The following GALNT17 variants were observed in gnomAD, a reference collection of about 807,000 sequenced individuals.
The protein encoded by GALNT17 is polypeptide N-acetylgalactosaminyltransferase 17, also known as UDP-GalNAc:polypeptide N-acetylgalactosaminyltransferase-like 3.
GALNT17 carries 29 observed loss-of-function variants against 63.7 expected under a neutral mutation model. The observed-to-expected ratio is 0.46, with a 90% CI of 0.34 to 0.62. The LOEUF (loss-of-function observed/expected upper bound fraction) is 0.62. GALNT17 is among the 20% of genes least tolerant of loss of function. The pLI is 0.01. For missense variants in GALNT17, 603 were observed against 799.6 expected (o/e 0.75, Z 2.97); for synonymous variants, 305 against 318.3 (o/e 0.96, Z 0.45).
chr7:71,611,467 G>A (rs1447744177), intron 6 of GALNT17, among the ~76,000 whole-genome samples: 1 of 152,122 alleles, frequency 6.6e-6, no homozygotes, highest in Admixed American at 6.6e-5. Context: ...AATATCAGTT[G>A]CTTTGTCTTC....
intron 6 of GALNT17, among the ~76,000 whole-genome samples, chr7:71,637,468 C>T (rs575305589): frequency 2.0e-5 from 3 of 150,500 alleles, no homozygotes; most frequent in Non-Finnish European, 4.4e-5. Context: ...GGATTACAGG[C>T]GTGAGCCACC....
chr7:71,441,295 T>A (rs1326715910), intron 5 of GALNT17, among the ~76,000 whole-genome samples: 1 of 152,064 alleles, frequency 6.6e-6, no homozygotes, highest in African/African-American at 2.4e-5. Context: ...CAAATTTTAT[T>A]TGAGATTGGG....
At chr7:71,341,020 A>C (rs1302420648) in intron 2 of GALNT17, among the ~76,000 whole-genome samples, 1 of 152,202 alleles carries the variant, frequency 6.6e-6, no homozygotes, top group African/African-American at 2.4e-5. Flanking sequence ...CCTGGGCAAC[A>C]GAGTGAGACT....
At position 71,156,616 on chromosome 7, in the gene GALNT17, T is replaced by C. The variant is rs145044794; in HGVS notation, c.238+23576T>C. 3.8e-3 allele frequency among the ~76,000 whole-genome samples: 543 copies of C among 143,764 alleles called. 12 individuals carry two copies. The highest frequency in any genetic ancestry group is 0.013 in the African/African-American group (497 of 38,774). 94.3% of individuals were successfully genotyped at this position (143,764 alleles called of 152,430 possible). On this transcript the variant is annotated intron_variant, in intron 1 of 10. Coordinates refer to ENST00000333538, the MANE Select transcript of GALNT17 (RefSeq NM_022479.3). ...TTCCTTCCTTCCTTCCTTCCTTCCT[T>C]CCTCCATTCTTTGCCTTCCTTCCCT...
At chr7:71,406,307 C>G (rs1793327652) in intron 3 of GALNT17, among the ~76,000 whole-genome samples, 1 of 152,206 alleles carries the variant, frequency 6.6e-6, no homozygotes, top group African/African-American at 2.4e-5. Flanking sequence ...GAGAAACTAA[C>G]AAAGCTTCCG....
intron 5 of GALNT17, among the ~76,000 whole-genome samples, chr7:71,452,243 G>GA (rs567810020): frequency 0.027 from 3,698 of 134,880 alleles, 78 homozygotes; most frequent in South Asian, 0.068. Context: ...GCTCTCTTTA[G>GA]AAAAAAAAAA....
chr7:71,613,869 T>A (rs1396641371), intron 6 of GALNT17, among the ~76,000 whole-genome samples: 1 of 150,996 alleles, frequency 6.6e-6, no homozygotes, highest in Non-Finnish European at 1.5e-5. Context: ...AAAGGATCAC[T>A]TGAGCCCAGG....
At chr7:71,648,072 C>T (rs2117017878) in intron 6 of GALNT17, among the ~76,000 whole-genome samples, 1 of 152,330 alleles carries the variant, frequency 6.6e-6, no homozygotes, top group African/African-American at 2.4e-5. Context: ...CTGCCCCTCC[C>T]ATGGGCCCAC....
chr7:71,397,005 G>GT (rs1023616475), intron 3 of GALNT17, among the ~76,000 whole-genome samples: 12 of 151,776 alleles, frequency 7.9e-5, no homozygotes, highest in Non-Finnish European at 1.8e-4. Context: ...GCTCCAGTAG[G>GT]TTTTTTTGTA....
At position 71,377,114 on chromosome 7, in the gene GALNT17, A is replaced by AAATATATATAT; in HGVS notation, c.423-11120_423-11119insATATATATATA. ...AAAAAAAAAAAATAAAAATAAAAAA[A>AAATATATATAT]ATATATATATATATATATATATATA... On this transcript the variant is annotated intron_variant, in intron 2 of 10. Coordinates refer to ENST00000333538, the MANE Select transcript of GALNT17 (RefSeq NM_022479.3). 1.3e-3 allele frequency among the ~76,000 whole-genome samples: 77 copies of AAATATATATAT among 57,446 alleles called. 4 individuals carry two copies. The highest frequency in any genetic ancestry group is 1.6e-3 in the Non-Finnish European group (52 of 33,262). The allele number at this position is 57,446 out of a possible 152,430, so 37.7% of individuals were successfully genotyped here.
intron 1 of GALNT17, among the ~76,000 whole-genome samples, chr7:71,174,819 T>C (rs1788606142): frequency 6.6e-6 from 1 of 152,216 alleles, no homozygotes; most frequent in South Asian, 2.1e-4. Context: ...GCGATCTGGA[T>C]GTAGACGTGT....
chr7:71,226,652 G>A (rs1789685210), intron 1 of GALNT17, among the ~76,000 whole-genome samples: 1 of 152,030 alleles, frequency 6.6e-6, no homozygotes, highest in Admixed American at 6.6e-5. Context: ...GCTAATTTTT[G>A]TATTTTTAGT....
intron 1 of GALNT17, among the ~76,000 whole-genome samples, chr7:71,155,208 A>G (rs1331943827): frequency 6.6e-6 from 1 of 151,834 alleles, no homozygotes; most frequent in African/African-American, 2.4e-5. Flanking sequence ...CTAGCACCAC[A>G]GTTCCTTATA....
chr7:71,436,588 G>A (rs575317264), intron 5 of GALNT17, among the ~76,000 whole-genome samples: 267 of 151,792 alleles, frequency 1.8e-3, no homozygotes, highest in African/African-American at 6.2e-3. Context: ...GGATCGTGGC[G>A]GGCGCCTGTA....
In GALNT17 at chr7:71,415,175, C is replaced by G. The variant is rs185353057; in HGVS notation, c.590-714C>G. Among the ~76,000 whole-genome samples the G allele has an allele frequency of 2.5e-4, 38 of 152,188 alleles. 4 individuals are homozygous for G. The East Asian group carries it at 2.9e-3, about 12-fold the overall frequency. ...CACAACACTGCACTCAGCCAAGTAT[C>G]AGTCTTTATGTCTATAGAGTTAGAT... On this transcript the variant is annotated intron_variant, in intron 3 of 10. Coordinates refer to ENST00000333538, the MANE Select transcript of GALNT17 (RefSeq NM_022479.3).
At chr7:71,451,653 T>C (rs560756643) in intron 5 of GALNT17, among the ~76,000 whole-genome samples, 10 of 152,274 alleles carry the variant, frequency 6.6e-5, no homozygotes, top group African/African-American at 2.4e-4. Flanking sequence ...TATTTTCTTT[T>C]TGTCTTGCTT....
intron 9 of GALNT17, among the ~76,000 whole-genome samples, chr7:71,709,164 T>G (rs1791757809): frequency 6.6e-6 from 1 of 152,242 alleles, no homozygotes; most frequent in Non-Finnish European, 1.5e-5. Context: ...TGAACTAATT[T>G]ACCTTCCCAC....
intron 1 of GALNT17, among the ~76,000 whole-genome samples, chr7:71,308,928 G>A (rs1791359856): frequency 2.6e-5 from 4 of 151,954 alleles, no homozygotes; most frequent in Admixed American, 2.6e-4. Flanking sequence ...ATGTTTAGTA[G>A]AGACGGGGTT....
At chr7:71,554,247 C>T (rs748399966) in intron 5 of GALNT17, among the ~76,000 whole-genome samples, 7 of 152,234 alleles carry the variant, frequency 4.6e-5, no homozygotes, top group Admixed American at 6.5e-5. Flanking sequence ...ATCCTGGGGA[C>T]GGGTTTTTCC....
Sources: gnomAD v4.1 joint callset for allele counts (sites outside exome capture counted in the v4.1 genomes callset) on GRCh38, gnomAD v4.1.1 for gene constraint, MANE v1.5 for transcripts, NCBI Gene and HGNC (gene_info 2026-07-23, HGNC 2026-07-21) for gene names.